Variants in DGKB observed in about 807,000 individuals in gnomAD.
DGKB encodes the protein 90 kDa diacylglycerol kinase.
A neutral mutation model predicts 114.3 loss-of-function variants in DGKB; 67 were observed. That is an observed-to-expected ratio of 0.59 (90% CI 0.48 to 0.72). The LOEUF (loss-of-function observed/expected upper bound fraction) is 0.72, where lower values mean the gene tolerates loss of function less well. Ranked by LOEUF, DGKB falls within the 30% of genes least tolerant of loss-of-function variation. The pLI is 0.00. For synonymous variants in DGKB, 398 were observed against 323.1 expected, an observed-to-expected ratio of 1.23 and a Z score of -2.49; for missense variants, 907 against 975.2, an observed-to-expected ratio of 0.93 and a Z score of 0.93.
chr7:14,716,427 C>T (rs1156536094), intron 6 of DGKB, among the ~76,000 whole-genome samples: 1 of 152,128 alleles, frequency 6.6e-6, no homozygotes, highest in Non-Finnish European at 1.5e-5. Context: ...CATTGACCTG[C>T]AAAAGTTAAT....
intron 13 of DGKB, among the ~76,000 whole-genome samples, chr7:14,640,769 G>A (rs1488703063): frequency 6.6e-6 from 1 of 152,168 alleles, no homozygotes; most frequent in Non-Finnish European, 1.5e-5. Context: ...ATATTTAATA[G>A]TAAAACAGAG....
At chr7:14,350,566 A>G (rs975692477) in intron 21 of DGKB, among the ~76,000 whole-genome samples, 4 of 152,034 alleles carry the variant, frequency 2.6e-5, no homozygotes, top group African/African-American at 7.2e-5. Flanking sequence ...GCAACAAAAA[A>G]GTTTTGACTT....
chr7:14,660,369 C>CT, intron 13 of DGKB, among the ~76,000 whole-genome samples: 1 of 151,714 alleles, frequency 6.6e-6, no homozygotes, highest in Admixed American at 6.6e-5. Flanking sequence ...GTCCTGGACT[C>CT]TTTTTGGTTG....
chr7:14,204,670 G>C (rs984058478), intron 23 of DGKB, among the ~76,000 whole-genome samples: 9 of 151,984 alleles, frequency 5.9e-5, no homozygotes, highest in African/African-American at 2.2e-4. Flanking sequence ...TGGCTAAAAG[G>C]AAGTTTAGCA....
At chr7:14,187,892 T>G (rs1783681437) in intron 23 of DGKB, among the ~76,000 whole-genome samples, 2 of 152,000 alleles carry the variant, frequency 1.3e-5, no homozygotes, top group Non-Finnish European at 2.9e-5. Context: ...AATTCAAAAT[T>G]ATGATTTTAA....
chr7:14,292,022 C>A (rs1400799973), intron 23 of DGKB, among the ~76,000 whole-genome samples: 1 of 152,040 alleles, frequency 6.6e-6, no homozygotes, highest in Non-Finnish European at 1.5e-5. Flanking sequence ...ATCTGAAGGA[C>A]ACATGCTTCC....
intron 21 of DGKB, among the ~76,000 whole-genome samples, chr7:14,462,400 C>A (rs1833217369): frequency 6.6e-6 from 1 of 152,150 alleles, no homozygotes; most frequent in East Asian, 1.9e-4. Flanking sequence ...TAAGCAACTT[C>A]AGCAGTCTCA....
At chr7:14,944,841 T>G (rs1236025743) in intron 1 of DGKB, among the ~76,000 whole-genome samples, 1 of 151,826 alleles carries the variant, frequency 6.6e-6, no homozygotes, top group African/African-American at 2.4e-5. Context: ...AATCTGCATT[T>G]TATTTGGTTT....
chr7:14,484,384 G>T (rs1052460557), intron 20 of DGKB, among the ~76,000 whole-genome samples: 1 of 152,102 alleles, frequency 6.6e-6, no homozygotes, highest in African/African-American at 2.4e-5. Context: ...GTGGGGCCTC[G>T]TGGGAGGAAA....
rs137987721 is a variant in DGKB, at chr7:14,670,891, T to C, written c.1134+2038A>G. On this transcript the variant is annotated intron_variant, in intron 13 of 25. Coordinates refer to ENST00000402815, the MANE Select transcript of DGKB (RefSeq NM_001350709.2). ...TTAATGTTTTCTTTCCTACCTATAA[T>C]ACTGTTTGGCACATACTAGGCATGC... Among the ~76,000 whole-genome samples the C allele has an allele frequency of 5.2e-3, 788 of 152,264 alleles. 3 individuals are homozygous for C. Among genetic ancestry groups the C allele is most frequent in the Non-Finnish European group, 8.6e-3 (586 of 68,014 alleles).
At chr7:14,935,132 A>G (rs1587412087) in intron 1 of DGKB, among the ~76,000 whole-genome samples, 1 of 152,164 alleles carries the variant, frequency 6.6e-6, no homozygotes, top group Admixed American at 6.5e-5. Flanking sequence ...TGAGACCGCA[A>G]ATGGTTTTCC....
At chr7:14,654,184 A>G (rs1815278160) in intron 13 of DGKB, among the ~76,000 whole-genome samples, 1 of 152,102 alleles carries the variant, frequency 6.6e-6, no homozygotes, top group Admixed American at 6.6e-5. Context: ...AGTTTAATAA[A>G]GTTGCAGGAT....
intron 17 of DGKB, among the ~76,000 whole-genome samples, chr7:14,590,831 T>A (rs1051215591): frequency 6.6e-6 from 1 of 152,088 alleles, no homozygotes; most frequent in Non-Finnish European, 1.5e-5. Context: ...CTGATTTAAT[T>A]ATATTTTTTT....
chr7:14,272,009 A>G (rs1297203229), intron 23 of DGKB, among the ~76,000 whole-genome samples: 1 of 152,220 alleles, frequency 6.6e-6, no homozygotes, highest in Non-Finnish European at 1.5e-5. Flanking sequence ...ATATTTGCAT[A>G]TCTTCTATTG....
At chr7:14,588,765 G>A (rs573232710) in intron 17 of DGKB, among the ~76,000 whole-genome samples, 5 of 151,830 alleles carry the variant, frequency 3.3e-5, no homozygotes, top group Admixed American at 1.3e-4. Context: ...TTTTACTCAC[G>A]ACTTTGTCCA....
chr7:14,714,596 T>C (rs1013121102), intron 6 of DGKB, among the ~76,000 whole-genome samples: 3 of 152,040 alleles, frequency 2.0e-5, no homozygotes, highest in African/African-American at 7.3e-5. Context: ...ATGAGTAAGA[T>C]GATGATTAAA....
At chr7:14,187,905 A>AAACTG (rs1173876173) in intron 23 of DGKB, among the ~76,000 whole-genome samples, 2 of 152,338 alleles carry the variant, frequency 1.3e-5, no homozygotes, top group East Asian at 3.9e-4. Context: ...GATTTTAAGG[A>AAACTG]AACTGAGCAA....
chr7:14,341,649 A>T (rs1008433559), intron 22 of DGKB, among the ~76,000 whole-genome samples: 3 of 151,888 alleles, frequency 2.0e-5, no homozygotes, highest in African/African-American at 7.2e-5. Context: ...AAAATAGAGG[A>T]TCTTATTCCA....
chr7:14,330,337 A>G (rs1042244343), intron 23 of DGKB, among the ~76,000 whole-genome samples: 1 of 151,994 alleles, frequency 6.6e-6, no homozygotes, highest in Non-Finnish European at 1.5e-5. Flanking sequence ...ATTAGGTGAT[A>G]GAGAGTTGCT....
Sources: gnomAD v4.1 joint callset for allele counts (sites outside exome capture counted in the v4.1 genomes callset) on GRCh38, gnomAD v4.1.1 for gene constraint, MANE v1.5 for transcripts, NCBI Gene and HGNC (gene_info 2026-07-23, HGNC 2026-07-21) for gene names.